Variants in FLAD1 observed in about 807,000 individuals in gnomAD.
FLAD1 encodes flavin adenine dinucleotide synthetase 1, also known as bifunctional FAD diphosphatase/FAD synthase.
Under a neutral mutation model 55.0 loss-of-function variants are expected in FLAD1, and 35 were observed. That is an observed-to-expected ratio of 0.64 (90% confidence interval 0.49 to 0.84). The LOEUF (loss-of-function observed/expected upper bound fraction) is 0.84, where lower values mean the gene tolerates loss of function less well. Among genes scored for constraint, FLAD1 ranks in the 40% least tolerant of loss-of-function variants. FLAD1 has a pLI of 0.00. For synonymous variants in FLAD1, 267 were observed against 303.0 expected (o/e 0.88, Z 1.23); for missense variants, 665 against 742.6 (o/e 0.90, Z 1.21).
intron 1 of FLAD1, 160 bp from the exon 2 acceptor site, chr1:154,987,945 T>C (rs1042641441): frequency 6.7e-7 from 1 of 1,501,504 alleles, no homozygotes; most frequent in South Asian, 1.3e-5. Flanking sequence ...AACAAATGGA[T>C]TTTCCCACTC....
chr1:154,989,077 T>C, intron 2 of FLAD1: 1 of 1,085,204 alleles, frequency 9.2e-7, no homozygotes, highest in East Asian at 2.6e-5. Context: ...GCCCTGCTCT[T>C]ATGGACCAGT....
At chr1:154,991,294 C>T (rs1424185076) in intron 5 of FLAD1, 1 of 149,942 alleles carries the variant, frequency 6.7e-6, no homozygotes, top group Non-Finnish European at 1.5e-5. Flanking sequence ...GTGGCTTACA[C>T]CTGTAATCCC....
chr1:154,990,534 G>C lies in FLAD1; in HGVS notation c.1554+6G>C. The C allele has an allele frequency of 6.3e-7, 1 of 1,588,572 alleles. No homozygotes were observed. The highest frequency in any genetic ancestry group is 8.6e-7 in the Non-Finnish European group (1 of 1,164,588). Reference sequence around the variant, plus strand: ...TGCGCATCAACCCACTGCTGGTAATGGGGAAGAGGGTTTATCACCTTCAGT... The same window carrying C: ...TGCGCATCAACCCACTGCTGGTAATCGGGAAGAGGGTTTATCACCTTCAGT... On this transcript the variant is annotated splice_donor_region_variant and intron_variant, in intron 5 of 6. Transcript: ENST00000292180.
At chr1:154,988,966 C>A in intron 2 of FLAD1, 117 bp downstream of exon 2, 1 of 1,523,494 alleles carries the variant, frequency 6.6e-7, no homozygotes, top group Non-Finnish European at 8.8e-7. Context: ...CAGAAGATAG[C>A]TTCTGTTAAT....
chr1:154,983,973 AGAAGGCAG>A lies in FLAD1; in HGVS notation c.282_289del (p.Glu94AspfsTer5), dbSNP rs764492355. The A allele has an allele frequency of 1.7e-5, 27 of 1,563,964 alleles. No homozygotes were observed. In the South Asian group the frequency reaches 2.8e-4, roughly 16 times the overall value. On this transcript the variant is annotated frameshift_variant, in exon 1 of 7. Transcript: ENST00000292180. LOFTEE classifies it high-confidence loss of function. ...ACTGGAGGGCCTTGCAGAGGGGCAG[AGAAGGCAG>A]GACCATGACATCTAGGGCCTCTGAA... is the stretch of plus-strand genomic sequence containing the variant.
chr1:154,985,637 C>A lies in FLAD1; in HGVS notation c.372+1571C>A, dbSNP rs528453446. Among the ~76,000 whole-genome samples, 3 of 151,502 alleles carry A rather than the reference C, an allele frequency of 2.0e-5. No homozygotes were observed. In the South Asian group the frequency reaches 6.3e-4, roughly 32 times the overall value. ...GGCCAGGCTGGTCTCGAACTCCTGA[C>A]CTCAAGTGATCCACCCACCTCAGCC... On this transcript the variant is annotated intron_variant, in intron 1 of 6. Transcript: ENST00000292180.
Position 154,983,711 on chromosome 1 carries a change from G to T in FLAD1, c.17G>T (p.Gly6Val). MGWDLGTRLFQRQEQR... is the reference protein window; with the variant it reads MGWDLVTRLFQRQEQR... ...TAAAAGGACATGGGTTGGGATTTGG[G>T]AACACGTTTATTCCAGAGGCAGGAA... The change falls in exon 1 of 7, where the codon GGA (glycine) becomes GTA (valine). Residue 6 changes from glycine (G) to valine (V), a missense_variant. Transcript: ENST00000292180. 1.2e-6 allele frequency: 2 copies of T among 1,611,048 alleles called. No individual in the cohort carries two copies. The highest frequency in any genetic ancestry group is 1.7e-6 in the Non-Finnish European group (2 of 1,177,740).
Position 154,988,584 on chromosome 1 carries a change from A to G in FLAD1, c.852A>G (p.Leu284=), listed in dbSNP as rs756644101. ...CTGTTCAGTTCCACTCAAAGGAGCT[A>G]TATGTGGCTGCTGATGAAGCCTCCA... ...NPAVQFHSKE[L]YVAADEASIA... The change falls in exon 2 of 7, where the codon CTA becomes CTG. Residue 284 remains leucine, a synonymous_variant. Transcript: ENST00000292180. 1 of 1,614,230 alleles carries G rather than the reference A, an allele frequency of 6.2e-7. No homozygotes were observed. The highest frequency in any genetic ancestry group is 1.3e-5 in the African/African-American group (1 of 75,076).
chr1:154,986,256 A>G (rs1029797585), intron 1 of FLAD1, among the ~76,000 whole-genome samples: 5 of 147,028 alleles, frequency 3.4e-5, no homozygotes, highest in Non-Finnish European at 7.5e-5. Flanking sequence ...TCGCTCTGTC[A>G]CCCAGGCTGG....
At chr1:154,990,584 A>G (rs1251478485) in intron 5 of FLAD1, 56 bp downstream of exon 5, 6 of 1,471,046 alleles carry the variant, frequency 4.1e-6, no homozygotes, top group Non-Finnish European at 5.4e-6. Context: ...CAGTCACTGC[A>G]CCCTAGCTCA....
chr1:154,990,124 T>A, intron 3 of FLAD1, 35 bp from the exon 4 acceptor site: 1 of 1,549,312 alleles, frequency 6.5e-7, no homozygotes, highest in Non-Finnish European at 8.9e-7. Context: ...TCCTTGTCCA[T>A]GCTCACAAGC....
rs747083416 is a variant in FLAD1, at chr1:154,983,730, G to A, written c.36G>A (p.Arg12=). 18 of 1,613,666 alleles carry A rather than the reference G, an allele frequency of 1.1e-5. No homozygotes were observed. Among genetic ancestry groups the A allele is most frequent in the Non-Finnish European group, 1.5e-5 (18 of 1,179,762 alleles). The change falls in exon 1 of 7, where the codon AGG becomes AGA. Residue 12 remains arginine (R), a synonymous_variant. Transcript: ENST00000292180. ...ATTTGGGAACACGTTTATTCCAGAGGCAGGAACAAAGGAGTCGCTTGTCAA... is the reference window on the plus strand; with the variant it reads ...ATTTGGGAACACGTTTATTCCAGAGACAGGAACAAAGGAGTCGCTTGTCAA... ...GWDLGTRLFQ[R]QEQRSRLSRI... is the part of the protein sequence containing the mutation.
rs1250939017 is a variant in FLAD1 at position 154,988,846 on chromosome 1, T to A, written c.1114T>A (p.Ser372Thr). 1 of 1,614,176 alleles carries A rather than the reference T, an allele frequency of 6.2e-7. No individual in the cohort carries two copies. The highest frequency in any genetic ancestry group is 8.5e-7 in the Non-Finnish European group (1 of 1,180,030). ...TGAGGCTGTATACAAACTCGCTGAA[T>A]CAGGTAGGGACCTTATGGAGGAGGG... ...ASEAVYKLAESGSSLGKKVAG... is the reference protein window; with the variant it reads ...ASEAVYKLAETGSSLGKKVAG... The change falls in exon 2 of 7, where the codon TCA becomes ACA. Residue 372 changes from serine to threonine, a missense_variant. Transcript: ENST00000292180.
chr1:154,991,360 G>A (rs185588277), intron 5 of FLAD1, among the ~76,000 whole-genome samples: 2 of 151,150 alleles, frequency 1.3e-5, no homozygotes, highest in East Asian at 1.9e-4. Flanking sequence ...ATCGAGACCA[G>A]CCTAACCAAA....
chr1:154,992,888 C>T lies in FLAD1; in HGVS notation c.1629-14C>T. The T allele has an allele frequency of 1.9e-6, 3 of 1,614,054 alleles. No homozygotes were observed. Among genetic ancestry groups the T allele is most frequent in the South Asian group, 2.2e-5 (2 of 91,076 alleles). ...ACCCTACCACATGCTTGCCCTCCAC[C>T]CTCCCTGCTCCAGATACACATCACT... On this transcript the variant is annotated splice_polypyrimidine_tract_variant and intron_variant, in intron 6 of 6. Transcript: ENST00000292180.
At chr1:154,986,349 T>C (rs1283308931) in intron 1 of FLAD1, among the ~76,000 whole-genome samples, 1 of 152,176 alleles carries the variant, frequency 6.6e-6, no homozygotes, top group Non-Finnish European at 1.5e-5. Flanking sequence ...CCCGAGTAGC[T>C]GGGACTACAG....
At chr1:154,990,970 G>A (rs1464059751) in intron 5 of FLAD1, 2 of 152,088 alleles carry the variant, frequency 1.3e-5, no homozygotes, top group Non-Finnish European at 2.9e-5. Flanking sequence ...CCAGCACTTT[G>A]GGAGGCCATG....
At chr1:154,990,024 A>C (rs1438608909) in intron 3 of FLAD1, 135 bp from the exon 4 acceptor site, 2 of 792,964 alleles carry the variant, frequency 2.5e-6, no homozygotes, top group Non-Finnish European at 4.3e-6. Flanking sequence ...AAGTGGGTCT[A>C]ATGGATGGAA....
intron 1 of FLAD1, 23 bp downstream of exon 1, chr1:154,984,089 G>C: frequency 6.8e-7 from 1 of 1,480,818 alleles, no homozygotes; most frequent in Non-Finnish European, 9.0e-7. Flanking sequence ...CAGAAAAGGG[G>C]GGAGGGCGCT....
Sources: allele counts gnomAD v4.1 joint callset (sites outside exome capture counted in the v4.1 genomes callset), GRCh38; gene constraint gnomAD v4.1.1; transcripts MANE v1.5; gene names NCBI Gene and HGNC (gene_info 2026-07-23, HGNC 2026-07-21).